The following ALK variants were observed in gnomAD, a reference collection of about 807,000 sequenced individuals.
ALK encodes ALK tyrosine kinase receptor.
Under a neutral mutation model 163.1 loss-of-function variants are expected in ALK, and 74 were observed. The ratio of observed to expected loss-of-function variants is 0.45; its 90% confidence interval spans 0.38 to 0.55. The LOEUF (loss-of-function observed/expected upper bound fraction) is 0.55. ALK is among the 20% of genes least tolerant of loss of function. ALK has a pLI of 0.00. For missense variants in ALK, 2,063 were observed against 2,105.3 expected (o/e 0.98, Z 0.39); for synonymous variants, 960 against 843.2 (o/e 1.14, Z -2.40).
chr2:29,832,397 G>A (rs544484738), intron 1 of ALK, among the ~76,000 whole-genome samples: 3 of 152,274 alleles, frequency 2.0e-5, no homozygotes, highest in Admixed American at 2.0e-4. Context: ...TGAAGAGGAA[G>A]GGGTAGATCT....
chr2:29,717,576 AC>A lies in ALK; in HGVS notation c.787+1del. On this transcript the variant is annotated splice_donor_variant, in intron 2 of 28. Coordinates refer to ENST00000389048, the MANE Select transcript of ALK (RefSeq NM_004304.5). LOFTEE classifies it high-confidence loss of function. ...TCAAGTAAATATTAAACATATACTTACCATATCGGCTGCGATGAGACAGGAA... is the reference window on the plus strand; with the variant it reads ...TCAAGTAAATATTAAACATATACTTACATATCGGCTGCGATGAGACAGGAA... The A allele has an allele frequency of 6.2e-7, 1 of 1,614,064 alleles. No individual in the cohort carries two copies. The highest frequency in any genetic ancestry group is 8.5e-7 in the Non-Finnish European group (1 of 1,179,884).
At chr2:29,313,665 T>C (rs1237769919) in intron 8 of ALK, among the ~76,000 whole-genome samples, 1 of 152,146 alleles carries the variant, frequency 6.6e-6, no homozygotes, top group East Asian at 1.9e-4. Flanking sequence ...TTTGGTCTTG[T>C]GTTTATTAGC....
At chr2:29,915,653 C>A (rs910086722) in intron 1 of ALK, among the ~76,000 whole-genome samples, 1 of 152,164 alleles carries the variant, frequency 6.6e-6, no homozygotes, top group Admixed American at 6.5e-5. Context: ...TTTCAAATGG[C>A]AATATAGATT....
chr2:29,614,346 A>G (rs1329008115), intron 3 of ALK, among the ~76,000 whole-genome samples: 1 of 152,040 alleles, frequency 6.6e-6, no homozygotes, highest in Non-Finnish European at 1.5e-5. Context: ...TCCTCACATC[A>G]CTACTGAAAG....
intron 3 of ALK, among the ~76,000 whole-genome samples, chr2:29,550,092 C>T (rs1419923562): frequency 6.6e-6 from 1 of 152,178 alleles, no homozygotes; most frequent in African/African-American, 2.4e-5. Context: ...TCTTTAACAA[C>T]AGCAAGTAAA....
chr2:29,213,810 C>T (rs1030348153), intron 24 of ALK, among the ~76,000 whole-genome samples, 174 bp downstream of exon 24: 5 of 152,080 alleles, frequency 3.3e-5, no homozygotes, highest in South Asian at 2.1e-4. Context: ...AAAGTGAGAC[C>T]CTGTCTCTCA....
rs376979270 is a variant in ALK, at chr2:29,895,555, T to C, written c.667+24438A>G. 2.6e-3 allele frequency among the ~76,000 whole-genome samples: 390 copies of C among 152,282 alleles called. 3 individuals are homozygous for C. In the Middle Eastern group the frequency reaches 0.037, roughly 15 times the overall value. ...CACCAGAATGCCTTAACAACACCAA[T>C]GCCTTCAGAAACCCACAGAAAGGAA... On this transcript the variant is annotated intron_variant, in intron 1 of 28. Transcript: ENST00000389048.
At chr2:29,717,523 C>T (rs1204400971) in intron 2 of ALK, 55 bp downstream of exon 2, 3 of 1,605,394 alleles carry the variant, frequency 1.9e-6, no homozygotes, top group African/African-American at 2.7e-5. Context: ...CTCACAGAGT[C>T]CTTATTATGA....
At chr2:29,496,025 A>G (rs748386064) in intron 4 of ALK, among the ~76,000 whole-genome samples, 28 of 152,318 alleles carry the variant, frequency 1.8e-4, no homozygotes, top group Admixed American at 7.2e-4. Context: ...CAGAACTCCT[A>G]TGTTGAGATC....
intron 26 of ALK, among the ~76,000 whole-genome samples, chr2:29,204,022 G>T (rs1669252477): frequency 6.6e-6 from 1 of 151,524 alleles, no homozygotes; most frequent in Non-Finnish European, 1.5e-5. Context: ...TCTCTTTTTA[G>T]GTTTATTTTC....
chr2:29,462,173 T>C (rs1360365978), intron 4 of ALK, among the ~76,000 whole-genome samples: 1 of 152,174 alleles, frequency 6.6e-6, no homozygotes, highest in African/African-American at 2.4e-5. Flanking sequence ...GAAAGTAGTA[T>C]CTTGAAATCG....
chr2:29,668,470 CA>C (rs1677585208), intron 3 of ALK, among the ~76,000 whole-genome samples: 1 of 151,950 alleles, frequency 6.6e-6, no homozygotes, highest in East Asian at 1.9e-4. Context: ...TAATGTGTTT[CA>C]AAAAATTTAA....
intron 4 of ALK, among the ~76,000 whole-genome samples, chr2:29,414,508 C>A (rs1006801302): frequency 6.6e-6 from 1 of 152,156 alleles, no homozygotes. Flanking sequence ...TCATAGTAGG[C>A]CCCTGGCCAT....
intron 5 of ALK, among the ~76,000 whole-genome samples, chr2:29,349,394 C>T (rs535251651): frequency 6.6e-6 from 1 of 152,322 alleles, no homozygotes; most frequent in South Asian, 2.1e-4. Context: ...TTTGTGATTG[C>T]TGCCTCATAG....
chr2:29,447,494 A>G (rs1370657524), intron 4 of ALK, among the ~76,000 whole-genome samples: 1 of 152,266 alleles, frequency 6.6e-6, no homozygotes, highest in African/African-American at 2.4e-5. Context: ...ATTATAACTC[A>G]GTCCAAGATG....
intron 1 of ALK, among the ~76,000 whole-genome samples, chr2:29,872,472 C>T (rs1666602807): frequency 6.6e-6 from 1 of 152,190 alleles, no homozygotes; most frequent in Non-Finnish European, 1.5e-5. Context: ...TTAGCCTAGG[C>T]TACCTTAAAT....
At chr2:29,532,963 CCTT>C (rs1673159607) in intron 3 of ALK, among the ~76,000 whole-genome samples, 1 of 152,204 alleles carries the variant, frequency 6.6e-6, no homozygotes, top group Admixed American at 6.5e-5. Flanking sequence ...TCCAAGGTCT[CCTT>C]CTGCAGATAA....
At chr2:29,483,222 C>T (rs1168174595) in intron 4 of ALK, among the ~76,000 whole-genome samples, 1 of 152,202 alleles carries the variant, frequency 6.6e-6, no homozygotes, top group East Asian at 1.9e-4. Flanking sequence ...AATATATTAT[C>T]TCAATGGTGT....
chr2:29,545,759 A>G (rs1419970416), intron 3 of ALK, among the ~76,000 whole-genome samples: 3 of 152,236 alleles, frequency 2.0e-5, no homozygotes, highest in Non-Finnish European at 2.9e-5. Flanking sequence ...GAGAAATGGT[A>G]TTCGTTTTTG....
Sources: gnomAD v4.1 joint callset for allele counts (sites outside exome capture counted in the v4.1 genomes callset) on GRCh38, gnomAD v4.1.1 for gene constraint, MANE v1.5 for transcripts, NCBI Gene and HGNC (gene_info 2026-07-23, HGNC 2026-07-21) for gene names.